The following ATXN10 variants were observed in gnomAD, a reference collection of about 807,000 sequenced individuals.
ATXN10 encodes ataxin-10.
A neutral mutation model predicts 52.9 loss-of-function variants in ATXN10; 28 were observed. The observed-to-expected ratio is 0.53, with a 90% CI of 0.39 to 0.73. ATXN10 has a LOEUF of 0.73. Among genes scored for constraint, ATXN10 ranks in the 30% least tolerant of loss-of-function variants. ATXN10 has a pLI of 0.00. For synonymous variants in ATXN10, 226 were observed against 221.5 expected, an observed-to-expected ratio of 1.02 and a Z score of -0.18; for missense variants, 565 against 577.0, an observed-to-expected ratio of 0.98 and a Z score of 0.21.
chr22:45,721,017 A>G (rs1924629736), intron 6 of ATXN10, among the ~76,000 whole-genome samples: 1 of 152,232 alleles, frequency 6.6e-6, no homozygotes, highest in Non-Finnish European at 1.5e-5. Flanking sequence ...GTTATGTACA[A>G]GAATGACAGT....
At chr22:45,738,966 G>T in intron 8 of ATXN10, 127 bp downstream of exon 8, 1 of 885,700 alleles carries the variant, frequency 1.1e-6, no homozygotes, top group Non-Finnish European at 1.8e-6. Context: ...ATATTTTTTT[G>T]AGAGGAATCA....
intron 8 of ATXN10, among the ~76,000 whole-genome samples, chr22:45,739,430 A>T (rs551043792): frequency 6.6e-6 from 1 of 152,324 alleles, no homozygotes; most frequent in South Asian, 2.1e-4. Flanking sequence ...CTTTAAAAAG[A>T]TGATACTTAC....
chr22:45,742,325 A>G (rs959802836), intron 9 of ATXN10, among the ~76,000 whole-genome samples: 3 of 152,200 alleles, frequency 2.0e-5, no homozygotes, highest in South Asian at 2.1e-4. Flanking sequence ...AATTGAAAAG[A>G]TGATCAGCGG....
rs1924619033 is a variant in ATXN10 at position 45,720,722 on chromosome 22, T to C, written c.728+2229T>C. On this transcript the variant is annotated intron_variant, in intron 6 of 11. Coordinates refer to ENST00000252934, the MANE Select transcript of ATXN10 (RefSeq NM_013236.4). ...AAGGATATGGAGAAATTGGAACCCT[T>C]GTGCACTGTTTATTTCCTACTGGTG... Among the ~76,000 whole-genome samples, 4 of 152,330 alleles carry C rather than the reference T, an allele frequency of 2.6e-5. No homozygotes were observed. The South Asian group carries it at 8.3e-4, about 32-fold the overall frequency.
intron 2 of ATXN10, among the ~76,000 whole-genome samples, chr22:45,692,073 T>C (rs1043421247): frequency 1.3e-5 from 2 of 152,210 alleles, no homozygotes; most frequent in African/African-American, 4.8e-5. Flanking sequence ...GTAAATGAGA[T>C]TACTTATGTA....
At chr22:45,702,918 A>C (rs1028230197) in intron 5 of ATXN10, 71 bp downstream of exon 5, 3 of 1,592,912 alleles carry the variant, frequency 1.9e-6, no homozygotes, top group Non-Finnish European at 1.7e-6. Flanking sequence ...AGAGGTTTTA[A>C]GTAAAAATTT....
rs776891054 is a variant in ATXN10, at chr22:45,805,720, C to T, written c.1174-1239C>T. Among the ~76,000 whole-genome samples, 6 of 152,130 alleles carry T rather than the reference C, an allele frequency of 3.9e-5. No homozygotes were observed. The highest frequency in any genetic ancestry group is 7.3e-5 in the Non-Finnish European group (5 of 68,036). On this transcript the variant is annotated intron_variant, in intron 9 of 11. Transcript: ENST00000252934. The surrounding 1 kb of genome is among the most constrained non-coding windows in gnomAD (Gnocchi z 4.4). ...GGAGGGAAGAATAAGGAGTGACTGC[C>T]AGTGGGTGTGGAGTTTCTTTTAGGG... is the stretch of plus-strand genomic sequence containing the variant.
Position 45,789,426 on chromosome 22 carries a change from G to A in ATXN10, c.1174-17533G>A, listed in dbSNP as rs1455002458. On this transcript the variant is annotated intron_variant, in intron 9 of 11. Coordinates refer to ENST00000252934, the MANE Select transcript of ATXN10 (RefSeq NM_013236.4). This position sits in a 1 kb window ranked among gnomAD's most constrained non-coding sequence, Gnocchi z 4.0. ...GGGACCGGGCAAGGGATGCAAGGAT[G>A]AGTGGAAACATGGCTCTTGTCATTG... 6.6e-6 allele frequency among the ~76,000 whole-genome samples: 1 copy of A among 152,162 alleles called. No individual in the cohort carries two copies. Among genetic ancestry groups the A allele is most frequent in the Middle Eastern group, 3.2e-3 (1 of 316 alleles).
chr22:45,695,503 T>C (rs1923571155), intron 3 of ATXN10, among the ~76,000 whole-genome samples: 1 of 150,884 alleles, frequency 6.6e-6, no homozygotes, highest in African/African-American at 2.4e-5. Flanking sequence ...TCTTTTTTTT[T>C]TTTTGAGATG....
chr22:45,830,466 A>G (rs1379245954), intron 10 of ATXN10, among the ~76,000 whole-genome samples: 3 of 152,232 alleles, frequency 2.0e-5, no homozygotes, highest in African/African-American at 7.2e-5. Flanking sequence ...TTTATTTGAT[A>G]AGGGATAGAT....
intron 9 of ATXN10, among the ~76,000 whole-genome samples, chr22:45,742,278 C>T (rs1925566117): frequency 6.6e-6 from 1 of 152,022 alleles, no homozygotes; most frequent in Non-Finnish European, 1.5e-5. Context: ...ATACAGTTTA[C>T]AATTGCTTGA....
chr22:45,736,489 C>T (rs560090166), intron 7 of ATXN10, among the ~76,000 whole-genome samples: 2 of 146,604 alleles, frequency 1.4e-5, no homozygotes, highest in South Asian at 4.2e-4. Flanking sequence ...GCCACCTTAT[C>T]TGTAACACCT....
rs1358519765 is a variant in ATXN10 at position 45,759,508 on chromosome 22, C to T, written c.1173+18970C>T. On this transcript the variant is annotated intron_variant, in intron 9 of 11. Coordinates refer to ENST00000252934, the MANE Select transcript of ATXN10 (RefSeq NM_013236.4). This position sits in a 1 kb window ranked among gnomAD's most constrained non-coding sequence, Gnocchi z 5.4. ...GCCTGGGCAGAGCAAGACTCCGTGT[C>T]AAACAAACAAACAAAAAAGATTCTA... Among the ~76,000 whole-genome samples the T allele has an allele frequency of 1.3e-5, 2 of 152,072 alleles. No homozygotes were observed. Among genetic ancestry groups the T allele is most frequent in the African/African-American group, 4.8e-5 (2 of 41,406 alleles).
chr22:45,733,306 A>G lies in ATXN10; in HGVS notation c.894+3716A>G. Among the ~76,000 whole-genome samples the G allele has an allele frequency of 6.6e-6, 1 of 152,346 alleles. No homozygotes were observed. Among genetic ancestry groups the G allele is most frequent in the Non-Finnish European group, 1.5e-5 (1 of 68,042 alleles). On this transcript the variant is annotated intron_variant, in intron 7 of 11. Transcript: ENST00000252934. The surrounding 1 kb of genome is among the most constrained non-coding windows in gnomAD (Gnocchi z 4.4). ...TAGGTATTACATATTTAATTACATAATACATATTTAATACATATTCTACAA... is the reference window on the plus strand; with the variant it reads ...TAGGTATTACATATTTAATTACATAGTACATATTTAATACATATTCTACAA...
intron 9 of ATXN10, among the ~76,000 whole-genome samples, chr22:45,758,853 G>A (rs944018348): frequency 2.0e-5 from 3 of 152,198 alleles, no homozygotes; most frequent in African/African-American, 7.2e-5. Flanking sequence ...AAGAATTCTA[G>A]TGCTGTGTTA....
intron 9 of ATXN10, among the ~76,000 whole-genome samples, chr22:45,743,483 T>C (rs1379405378): frequency 6.6e-6 from 1 of 152,166 alleles, no homozygotes; most frequent in African/African-American, 2.4e-5. Context: ...GGTTATAGTT[T>C]TGGGAAAATG....
Position 45,819,472 on chromosome 22 carries a change from G to A in ATXN10, c.1237+12450G>A, listed in dbSNP as rs1028752093. ...TCGGTAGTCACAGGACACCCTTGCC[G>A]TGCTGCATAATGATGTCTCACTCTG... On this transcript the variant is annotated intron_variant, in intron 10 of 11. Transcript: ENST00000252934. The surrounding 1 kb of genome is among the most constrained non-coding windows in gnomAD (Gnocchi z 4.5). 6.6e-5 allele frequency among the ~76,000 whole-genome samples: 10 copies of A among 152,154 alleles called. No individual in the cohort carries two copies. Among genetic ancestry groups the A allele is most frequent in the African/African-American group, 2.2e-4 (9 of 41,430 alleles).
rs888233629 is a variant in ATXN10, at chr22:45,690,953, C to T, written c.308+1050C>T. The stretch of plus-strand genomic sequence containing the variant: ...CCCTGTCACCACTGTGACGGGTAAG[C>T]TTGGGCTGGTCCAGAAGCCACTTGA... On this transcript the variant is annotated intron_variant, in intron 2 of 11. Coordinates refer to ENST00000252934, the MANE Select transcript of ATXN10 (RefSeq NM_013236.4). The surrounding 1 kb of genome is among the most constrained non-coding windows in gnomAD (Gnocchi z 4.5). Among the ~76,000 whole-genome samples, 2 of 152,184 alleles carry T rather than the reference C, an allele frequency of 1.3e-5. No homozygotes were observed. The highest frequency in any genetic ancestry group is 2.9e-5 in the Non-Finnish European group (2 of 68,034).
rs1406131726 is a variant in ATXN10, at chr22:45,701,300, C to G, written c.488+922C>G. ...CCTGAAGCTCATCACTGGTAAATGGCAGAGGTAGAGTGTAAACCCATTGCT... is the reference window on the plus strand; with the variant it reads ...CCTGAAGCTCATCACTGGTAAATGGGAGAGGTAGAGTGTAAACCCATTGCT... On this transcript the variant is annotated intron_variant, in intron 4 of 11. Transcript: ENST00000252934. The surrounding 1 kb of genome is among the most constrained non-coding windows in gnomAD (Gnocchi z 4.2). Among the ~76,000 whole-genome samples, 10 of 152,316 alleles carry G rather than the reference C, an allele frequency of 6.6e-5. No individual in the cohort carries two copies. The highest frequency in any genetic ancestry group is 5.9e-4 in the Admixed American group (9 of 15,306).
Sources: gnomAD v4.1 joint callset for allele counts (sites outside exome capture counted in the v4.1 genomes callset) on GRCh38, gnomAD v4.1.1 for gene constraint, Gnocchi (gnomAD v3.1) non-coding constraint, MANE v1.5 for transcripts, NCBI Gene and HGNC (gene_info 2026-07-23, HGNC 2026-07-21) for gene names.